ZEB1: variants seen among roughly 807,000 people sequenced by gnomAD.
ZEB1 encodes the protein zinc finger E-box-binding homeobox 1.
Under a neutral mutation model 84.9 loss-of-function variants are expected in ZEB1, and 21 were observed. The ratio of observed to expected loss-of-function variants is 0.25; its 90% CI spans 0.18 to 0.36. The LOEUF is 0.36. ZEB1 is among the 10% of genes least tolerant of loss of function. The pLI, the probability that ZEB1 is intolerant of heterozygous loss-of-function variation, is 1.00. For missense variants in ZEB1, 1,104 were observed against 1,330.2 expected (o/e 0.83, Z 2.65); for synonymous variants, 420 against 471.1 (o/e 0.89, Z 1.41).
chr10:31,503,398 T>C (rs886833193), intron 4 of ZEB1, among the ~76,000 whole-genome samples: 1 of 152,128 alleles, frequency 6.6e-6, no homozygotes, highest in East Asian at 1.9e-4. Context: ...ATCAGCGACA[T>C]TTGTTTACAT....
intron 1 of ZEB1, among the ~76,000 whole-genome samples, chr10:31,425,022 CT>C (rs2056748961): frequency 6.6e-6 from 1 of 151,804 alleles, no homozygotes; most frequent in South Asian, 2.1e-4. Flanking sequence ...GAAAAAAACT[CT>C]TTTCTTACAG....
intron 1 of ZEB1, among the ~76,000 whole-genome samples, chr10:31,427,596 G>A (rs1349585241): frequency 6.6e-6 from 1 of 152,162 alleles, no homozygotes; most frequent in Non-Finnish European, 1.5e-5. Context: ...CTCAACGCCT[G>A]TAATCCCAGC....
chr10:31,390,723 A>G (rs994182973), intron 1 of ZEB1, among the ~76,000 whole-genome samples: 2 of 152,158 alleles, frequency 1.3e-5, no homozygotes, highest in African/African-American at 4.8e-5. Flanking sequence ...AAGGCTACTG[A>G]ATGCAGGGAT....
At chr10:31,350,387 C>G (rs1009300412) in intron 1 of ZEB1, among the ~76,000 whole-genome samples, 1 of 152,122 alleles carries the variant, frequency 6.6e-6, no homozygotes, top group African/African-American at 2.4e-5. Flanking sequence ...AGTACCTTAT[C>G]TCTATTCTTA....
chr10:31,441,969 A>G (rs1192230688), intron 1 of ZEB1, among the ~76,000 whole-genome samples: 1 of 152,218 alleles, frequency 6.6e-6, no homozygotes, highest in African/African-American at 2.4e-5. Context: ...GGGACTGTAA[A>G]CTAGTTCAAC....
intron 1 of ZEB1, among the ~76,000 whole-genome samples, chr10:31,453,680 A>T (rs901989734): frequency 2.6e-5 from 4 of 152,194 alleles, no homozygotes; most frequent in Admixed American, 6.5e-5. Flanking sequence ...ATTCCTGGAC[A>T]CATACACCCT....
At chr10:31,492,406 T>G (rs2066660598) in intron 2 of ZEB1, among the ~76,000 whole-genome samples, 1 of 151,928 alleles carries the variant, frequency 6.6e-6, no homozygotes, top group South Asian at 2.1e-4. Flanking sequence ...AGCATTAAGG[T>G]AGACTAGGCT....
Position 31,462,036 on chromosome 10 carries a change from T to C in ZEB1, c.259+799T>C, listed in dbSNP as rs78848090. Among the ~76,000 whole-genome samples, 67 of 152,138 alleles carry C rather than the reference T, an allele frequency of 4.4e-4. No homozygotes were observed. The East Asian group carries it at 0.012, about 28-fold the overall frequency. On this transcript the variant is annotated intron_variant, in intron 2 of 8. Coordinates refer to ENST00000424869, the MANE Select transcript of ZEB1 (RefSeq NM_001174096.2). ...AAGGTAAACAAGTACACGCAATAAA[T>C]CGAATCCAAGACCAGTCAAAGGAGA...
chr10:31,412,911 A>G (rs1431422283), intron 1 of ZEB1, among the ~76,000 whole-genome samples: 1 of 152,192 alleles, frequency 6.6e-6, no homozygotes, highest in Non-Finnish European at 1.5e-5. Context: ...TGAGAGAGAG[A>G]GGCCCTATAT....
intron 1 of ZEB1, among the ~76,000 whole-genome samples, chr10:31,406,469 T>C (rs1296326610): frequency 1.3e-5 from 2 of 152,116 alleles, no homozygotes; most frequent in Non-Finnish European, 2.9e-5. Flanking sequence ...TTTTTTCATA[T>C]ATTTTTTGGC....
At chr10:31,414,255 G>T (rs567658141) in intron 1 of ZEB1, among the ~76,000 whole-genome samples, 1 of 152,106 alleles carries the variant, frequency 6.6e-6, no homozygotes, top group African/African-American at 2.4e-5. Flanking sequence ...CATGTTACTT[G>T]TTTTTTCTAT....
chr10:31,352,632 G>A (rs2041499245), intron 1 of ZEB1, among the ~76,000 whole-genome samples: 1 of 152,156 alleles, frequency 6.6e-6, no homozygotes, highest in African/African-American at 2.4e-5. Flanking sequence ...GCAGGCTGCT[G>A]GCGTGGAGCA....
intron 1 of ZEB1, among the ~76,000 whole-genome samples, chr10:31,403,358 T>G (rs1216977335): frequency 6.6e-6 from 1 of 151,950 alleles, no homozygotes; most frequent in African/African-American, 2.4e-5. Flanking sequence ...GTTAAAACTT[T>G]TTCAAATTCT....
chr10:31,397,321 G>A (rs986273417), intron 1 of ZEB1, among the ~76,000 whole-genome samples: 7 of 151,342 alleles, frequency 4.6e-5, no homozygotes, highest in African/African-American at 7.3e-5. Flanking sequence ...TTACTGATAC[G>A]GTATTTAAGA....
chr10:31,387,007 A>C (rs929379607), intron 1 of ZEB1: 3 of 794,870 alleles, frequency 3.8e-6, no homozygotes, highest in Non-Finnish European at 4.6e-6. Flanking sequence ...GATTTTAAGA[A>C]TACTCATGAT....
intron 1 of ZEB1, chr10:31,360,905 T>C: frequency 7.0e-7 from 1 of 1,436,360 alleles, no homozygotes; most frequent in Non-Finnish European, 9.7e-7. Flanking sequence ...CCTGAAACAG[T>C]ACTGCATGGA....
At chr10:31,346,494 A>T (rs1384233599) in intron 1 of ZEB1, among the ~76,000 whole-genome samples, 1 of 152,116 alleles carries the variant, frequency 6.6e-6, no homozygotes, top group Non-Finnish European at 1.5e-5. Flanking sequence ...TTTAAATTAG[A>T]TGGCTTTGGG....
At chr10:31,452,225 T>A (rs968361153) in intron 1 of ZEB1, among the ~76,000 whole-genome samples, 3 of 152,154 alleles carry the variant, frequency 2.0e-5, no homozygotes, top group South Asian at 2.1e-4. Flanking sequence ...CTAAAACCAT[T>A]ATGATACCTA....
intron 6 of ZEB1, among the ~76,000 whole-genome samples, chr10:31,518,281 T>C (rs2071564475): frequency 6.6e-6 from 1 of 152,102 alleles, no homozygotes; most frequent in African/African-American, 2.4e-5. Flanking sequence ...AACAAGCAGG[T>C]AAGGGTTCTA....
Sources: gnomAD v4.1 joint callset for allele counts (sites outside exome capture counted in the v4.1 genomes callset) on GRCh38, gnomAD v4.1.1 for gene constraint, MANE v1.5 for transcripts, NCBI Gene and HGNC (gene_info 2026-07-23, HGNC 2026-07-21) for gene names.